SLC6A6: variants seen among roughly 807,000 people sequenced by gnomAD.
The protein encoded by SLC6A6 is sodium- and chloride-dependent taurine transporter.
A neutral mutation model predicts 68.8 loss-of-function variants in SLC6A6; 16 were observed. That is an observed-to-expected ratio of 0.23 (90% CI 0.16 to 0.35). The LOEUF is 0.35. Ranked by LOEUF, SLC6A6 falls within the 10% of genes least tolerant of loss-of-function variation. The probability of loss-of-function intolerance (pLI) is 1.00; values close to 1 mark genes in which losing one functional copy is unlikely to be tolerated. For missense variants in SLC6A6, 474 were observed against 802.8 expected (o/e 0.59, Z 4.95); for synonymous variants, 312 against 315.4 (o/e 0.99, Z 0.12).
chr3:14,470,325 A>G (rs924960247), intron 9 of SLC6A6, among the ~76,000 whole-genome samples: 1 of 152,218 alleles, frequency 6.6e-6, no homozygotes, highest in African/African-American at 2.4e-5. Context: ...GCTTTTAACA[A>G]GCACCATATT....
At chr3:14,482,037 A>C (rs1314913069) in intron 14 of SLC6A6, among the ~76,000 whole-genome samples, 196 bp downstream of exon 14, 1 of 152,128 alleles carries the variant, frequency 6.6e-6, no homozygotes, top group Non-Finnish European at 1.5e-5. Flanking sequence ...CACATGGGAG[A>C]AGGCTTTATG....
chr3:14,448,823 T>C (rs966300448), intron 5 of SLC6A6, among the ~76,000 whole-genome samples: 1 of 152,198 alleles, frequency 6.6e-6, no homozygotes, highest in Non-Finnish European at 1.5e-5. Context: ...ACATAGTGCT[T>C]AGAGGCTGAT....
In SLC6A6 at chr3:14,477,114, A is replaced by G. The variant is rs1374908230; in HGVS notation, c.1210-91A>G. On this transcript the variant is annotated intron_variant, in intron 10 of 14. Coordinates refer to ENST00000622186, the MANE Select transcript of SLC6A6 (RefSeq NM_003043.6). The surrounding 1 kb of genome is among the most constrained non-coding windows in gnomAD (Gnocchi z 4.2). ...CAAGGATGGTCACGTCTGCTCCTGC[A>G]TTGTGTGTTCCTGGGCCCTTCCCTC... 1.1e-5 allele frequency: 13 copies of G among 1,217,252 alleles called. No individual in the cohort carries two copies. The highest frequency in any genetic ancestry group is 1.8e-5 in the Admixed American group (1 of 54,530). 75.4% of individuals were successfully genotyped at this position (1,217,252 alleles called of 1,614,324 possible).
intron 5 of SLC6A6, among the ~76,000 whole-genome samples, chr3:14,451,715 G>A (rs1045008537): frequency 2.0e-5 from 3 of 152,212 alleles, no homozygotes; most frequent in African/African-American, 7.2e-5. Context: ...GGAGACCTCA[G>A]CCTTCAGCAG....
intron 2 of SLC6A6, among the ~76,000 whole-genome samples, chr3:14,419,662 T>C (rs1332951969): frequency 6.6e-6 from 1 of 152,142 alleles, no homozygotes; most frequent in Admixed American, 6.5e-5. Flanking sequence ...AGAAAGACGG[T>C]GATACTGGGA....
At chr3:14,479,467 G>A (rs1700959388) in intron 13 of SLC6A6, among the ~76,000 whole-genome samples, 1 of 152,212 alleles carries the variant, frequency 6.6e-6, no homozygotes, top group African/African-American at 2.4e-5. Context: ...AGAAGAGGGT[G>A]TATCTGGAGC....
At chr3:14,457,927 C>T in intron 5 of SLC6A6, 23 bp from the exon 6 acceptor site, 1 of 1,613,718 alleles carries the variant, frequency 6.2e-7, no homozygotes, top group Non-Finnish European at 8.5e-7. Context: ...CTCACTGACT[C>T]CTGGCTCTGT....
At position 14,478,537 on chromosome 3, in the gene SLC6A6, C is replaced by A. The variant is rs759752158; in HGVS notation, c.1419C>A (p.Phe473Leu). The A allele has an allele frequency of 7.4e-6, 12 of 1,612,088 alleles. No individual in the cohort carries two copies. The highest frequency in any genetic ancestry group is 1.0e-5 in the Non-Finnish European group (12 of 1,178,296). The part of the protein sequence containing the change: ...ASGVCLLWVA[F>L]FECFVIAWIY... ...GTGTATGCCTTTTGTGGGTTGCATT[C>A]TTTGAATGTTTTGTTATTGCCTGGA... The change falls in exon 12 of 15, where the codon TTC becomes TTA. Residue 473 changes from phenylalanine to leucine, a missense_variant. Transcript: ENST00000622186.
intron 2 of SLC6A6, among the ~76,000 whole-genome samples, chr3:14,430,171 CA>C (rs1699689929): frequency 6.6e-6 from 1 of 152,164 alleles, no homozygotes; most frequent in East Asian, 1.9e-4. Flanking sequence ...GCAAGTCAGA[CA>C]ACTCTAGTGA....
At position 14,484,597 on chromosome 3, in the gene SLC6A6, A is replaced by G. The variant is rs535868761; in HGVS notation, c.1723-270A>G. Reference sequence around the variant, plus strand: ...AAAGCACATGAAGGTTGAGTCCCCCATCCCTGTAGGAACGTAAGCAGGGGT... The same window carrying G: ...AAAGCACATGAAGGTTGAGTCCCCCGTCCCTGTAGGAACGTAAGCAGGGGT... On this transcript the variant is annotated intron_variant, in intron 14 of 14. Coordinates refer to ENST00000622186, the MANE Select transcript of SLC6A6 (RefSeq NM_003043.6). Among the ~76,000 whole-genome samples the G allele has an allele frequency of 5.3e-5, 8 of 152,364 alleles. No homozygotes were observed. The East Asian group carries it at 5.8e-4, about 11-fold the overall frequency.
intron 6 of SLC6A6, among the ~76,000 whole-genome samples, chr3:14,462,645 G>A (rs1700521802): frequency 6.6e-6 from 1 of 152,112 alleles, no homozygotes; most frequent in Non-Finnish European, 1.5e-5. Context: ...ACTGCAGTGA[G>A]CTTTGATTGC....
rs527918426 is a variant in SLC6A6, at chr3:14,483,620, G to A, written c.1723-1247G>A. 9.8e-5 allele frequency among the ~76,000 whole-genome samples: 15 copies of A among 152,324 alleles called. No homozygotes were observed. The South Asian group carries it at 1.5e-3, about 15-fold the overall frequency. ...GGGCTGGGAGCAAACTGGAGAAGGT[G>A]CTACAAGGAGGGGACCTGGGCCTGG... On this transcript the variant is annotated intron_variant, in intron 14 of 14. Transcript: ENST00000622186.
At chr3:14,460,062 T>C (rs748416484) in intron 6 of SLC6A6, among the ~76,000 whole-genome samples, 25 of 151,992 alleles carry the variant, frequency 1.6e-4, no homozygotes, top group Non-Finnish European at 5.9e-5. Context: ...ATGCCCTTCT[T>C]CACTCTGCCT....
intron 2 of SLC6A6, among the ~76,000 whole-genome samples, chr3:14,434,040 C>T (rs1257617324): frequency 6.6e-6 from 1 of 152,202 alleles, no homozygotes; most frequent in African/African-American, 2.4e-5. Context: ...CTCTGGCTTT[C>T]TGTTTCTTCA....
intron 6 of SLC6A6, 42 bp from the exon 7 acceptor site, chr3:14,466,473 CA>C: frequency 6.3e-7 from 1 of 1,580,582 alleles, no homozygotes; most frequent in African/African-American, 1.3e-5. Flanking sequence ...TTAGCAGCAG[CA>C]AGTGATGCCC....
intron 10 of SLC6A6, among the ~76,000 whole-genome samples, chr3:14,475,817 CAG>C (rs767562360): frequency 3.3e-5 from 5 of 152,288 alleles, no homozygotes; most frequent in Non-Finnish European, 7.4e-5. Flanking sequence ...ACACATGAGT[CAG>C]AGGTCAAAAA....
intron 12 of SLC6A6, 200 bp downstream of exon 12, chr3:14,478,768 G>A (rs1700941097): frequency 3.3e-6 from 2 of 602,156 alleles, no homozygotes; most frequent in Admixed American, 6.1e-5. Flanking sequence ...GTGACTGGAT[G>A]TTTTCACAGT....
intron 1 of SLC6A6, among the ~76,000 whole-genome samples, chr3:14,415,732 G>A (rs1393640824): frequency 2.0e-5 from 3 of 151,646 alleles, no homozygotes; most frequent in South Asian, 2.1e-4. Flanking sequence ...TCCAAAAAAA[G>A]TCTTCTGGGT....
chr3:14,434,725 G>A (rs929842980), intron 2 of SLC6A6, among the ~76,000 whole-genome samples: 2 of 152,098 alleles, frequency 1.3e-5, no homozygotes, highest in Non-Finnish European at 2.9e-5. Context: ...CTGGGGCAGC[G>A]CCAGCCACCC....
Sources: gnomAD v4.1 joint callset for allele counts (sites outside exome capture counted in the v4.1 genomes callset) on GRCh38, gnomAD v4.1.1 for gene constraint, Gnocchi (gnomAD v3.1) non-coding constraint, MANE v1.5 for transcripts, NCBI Gene and HGNC (gene_info 2026-07-23, HGNC 2026-07-21) for gene names.